The following LIMS1 variants were observed in gnomAD, a reference collection of about 807,000 sequenced individuals.
LIMS1 encodes the protein LIM zinc finger domain containing 1.
In LIMS1, 18 loss-of-function variants were observed where a neutral mutation model predicts 44.1. The observed-to-expected ratio is 0.41, with a 90% confidence interval of 0.28 to 0.61. The LOEUF is 0.61. Ranked by LOEUF, LIMS1 falls within the 20% of genes least tolerant of loss-of-function variation. The pLI is 0.32. For synonymous variants in LIMS1, 93 were observed against 149.1 expected, an observed-to-expected ratio of 0.62 and a Z score of 2.74; for missense variants, 201 against 422.0, an observed-to-expected ratio of 0.48 and a Z score of 4.59.
At chr2:108,606,428 C>CT (rs1022235607) in intron 1 of LIMS1, among the ~76,000 whole-genome samples, 8 of 152,128 alleles carry the variant, frequency 5.3e-5, no homozygotes, top group African/African-American at 1.9e-4. Context: ...GAACCGAGGA[C>CT]TTTTTTTGGA....
intron 1 of LIMS1, among the ~76,000 whole-genome samples, chr2:108,554,828 C>A (rs993935250): frequency 1.2e-4 from 19 of 152,100 alleles, no homozygotes; most frequent in African/African-American, 4.1e-4. Flanking sequence ...TTGAATAGCT[C>A]CTGTGTGCAG....
rs183985013 is a variant in LIMS1 at position 108,578,517 on chromosome 2, T to C, written c.32+43923T>C. 6.2e-4 allele frequency among the ~76,000 whole-genome samples: 95 copies of C among 152,186 alleles called. 1 individual carries two copies. Among genetic ancestry groups the C allele is most frequent in the African/African-American group, 2.3e-3 (95 of 41,534 alleles). On this transcript the variant is annotated intron_variant, in intron 1 of 9. Transcript: ENST00000544547. ...GCAGCCAGAAGGTTAATGCCTTAGC[T>C]GAACTCTTAAAAGCATTTCCGTTAT...
rs965855240 is a variant in LIMS1 at position 108,613,322 on chromosome 2, C to T, written c.33-46283C>T. On this transcript the variant is annotated intron_variant, in intron 1 of 9. Transcript: ENST00000544547. ...TATTAGAGTCAAAGTAGGTTTAAAA[C>T]GCTTACGTTTCTGTGGACAAGATTA... Among the ~76,000 whole-genome samples, 5 of 152,158 alleles carry T rather than the reference C, an allele frequency of 3.3e-5. No individual in the cohort carries two copies. In the East Asian group the frequency reaches 5.8e-4, roughly 18 times the overall value.
chr2:108,549,202 A>G (rs1242599167), intron 1 of LIMS1, among the ~76,000 whole-genome samples: 1 of 150,716 alleles, frequency 6.6e-6, no homozygotes, highest in Non-Finnish European at 1.5e-5. Flanking sequence ...GGTAGTTGCT[A>G]ATAAGTAACT....
intron 1 of LIMS1, chr2:108,607,388 T>C: frequency 3.5e-6 from 3 of 854,492 alleles, no homozygotes; most frequent in Non-Finnish European, 5.7e-6. Context: ...AAGTGATTTT[T>C]ACACAAGGGT....
chr2:108,639,953 A>G (rs529947289), intron 1 of LIMS1, among the ~76,000 whole-genome samples: 4 of 152,338 alleles, frequency 2.6e-5, no homozygotes, highest in African/African-American at 9.6e-5. Flanking sequence ...GCACTTACAC[A>G]TCCATGCGCA....
chr2:108,629,210 C>T (rs1023474909), intron 1 of LIMS1, among the ~76,000 whole-genome samples: 1 of 152,108 alleles, frequency 6.6e-6, no homozygotes, highest in Non-Finnish European at 1.5e-5. Context: ...TATTCGTATG[C>T]GTGGAACTAG....
chr2:108,596,003 G>A (rs1686664444), intron 1 of LIMS1, among the ~76,000 whole-genome samples: 1 of 152,222 alleles, frequency 6.6e-6, no homozygotes, highest in African/African-American at 2.4e-5. Flanking sequence ...TGAGAGCAAA[G>A]ATCAGGAGTA....
At chr2:108,553,344 C>T (rs911026343) in intron 1 of LIMS1, among the ~76,000 whole-genome samples, 4 of 152,142 alleles carry the variant, frequency 2.6e-5, no homozygotes, top group African/African-American at 4.8e-5. Flanking sequence ...ACGATTGAAG[C>T]AAATGACCTT....
chr2:108,606,779 G>A (rs1304594653), intron 1 of LIMS1, among the ~76,000 whole-genome samples: 1 of 152,192 alleles, frequency 6.6e-6, no homozygotes, highest in Non-Finnish European at 1.5e-5. Flanking sequence ...GGAATATTGT[G>A]GGAGTCCTAT....
At chr2:108,580,924 T>C (rs1002037220) in intron 1 of LIMS1, among the ~76,000 whole-genome samples, 1 of 152,200 alleles carries the variant, frequency 6.6e-6, no homozygotes, top group African/African-American at 2.4e-5. Flanking sequence ...ATTAAATTAC[T>C]TGTGGGGTTC....
At chr2:108,550,886 C>T (rs570960106) in intron 1 of LIMS1, among the ~76,000 whole-genome samples, 2 of 151,880 alleles carry the variant, frequency 1.3e-5, no homozygotes, top group East Asian at 1.9e-4. Flanking sequence ...TTTGGGAGAC[C>T]GAGGTGGGAG....
chr2:108,573,106 T>A (rs978020277), intron 1 of LIMS1, among the ~76,000 whole-genome samples: 1 of 152,188 alleles, frequency 6.6e-6, no homozygotes, highest in Non-Finnish European at 1.5e-5. Flanking sequence ...ATAAAAAAGG[T>A]CATATGAATG....
At chr2:108,553,039 AG>A (rs1684813469) in intron 1 of LIMS1, among the ~76,000 whole-genome samples, 1 of 152,236 alleles carries the variant, frequency 6.6e-6, no homozygotes, top group Admixed American at 6.5e-5. Context: ...AGAAGGTACC[AG>A]TGCATGAGAA....
chr2:108,610,452 CT>C (rs1408799191), intron 1 of LIMS1, among the ~76,000 whole-genome samples: 1 of 151,944 alleles, frequency 6.6e-6, no homozygotes, highest in Non-Finnish European at 1.5e-5. Context: ...CTTTTCTTTT[CT>C]TTCTTAATTA....
intron 1 of LIMS1, among the ~76,000 whole-genome samples, chr2:108,651,999 T>C (rs1690525588): frequency 1.4e-5 from 2 of 138,638 alleles, no homozygotes; most frequent in African/African-American, 5.5e-5. Flanking sequence ...GCATGGTTGA[T>C]TCTCCAGCAG....
intron 1 of LIMS1, among the ~76,000 whole-genome samples, chr2:108,552,448 TAC>T (rs1244235773): frequency 6.9e-6 from 1 of 145,640 alleles, no homozygotes; most frequent in African/African-American, 2.5e-5. Flanking sequence ...ATATAAAATA[TAC>T]AGTTAAATAT....
At chr2:108,670,325 A>C (rs1692082046) in intron 2 of LIMS1, among the ~76,000 whole-genome samples, 1 of 150,614 alleles carries the variant, frequency 6.6e-6, no homozygotes, top group Non-Finnish European at 1.5e-5. Flanking sequence ...CATTTAAAAA[A>C]ATAATAAAAT....
intron 1 of LIMS1, among the ~76,000 whole-genome samples, chr2:108,618,008 G>A (rs79570546): frequency 0.02 from 3,057 of 152,328 alleles, 61 homozygotes; most frequent in African/African-American, 0.047. Context: ...CACTGGGCAT[G>A]TGGGGGAAAG....
Sources: allele counts gnomAD v4.1 joint callset (sites outside exome capture counted in the v4.1 genomes callset), GRCh38; gene constraint gnomAD v4.1.1; transcripts MANE v1.5; gene names NCBI Gene and HGNC (gene_info 2026-07-23, HGNC 2026-07-21).